Variants in CCDC60 observed in about 807,000 individuals in gnomAD.
CCDC60 encodes the protein coiled-coil domain containing 60, also known as coiled-coil domain-containing protein 60.
Under a neutral mutation model 63.5 loss-of-function variants are expected in CCDC60, and 54 were observed. The ratio of observed to expected loss-of-function variants is 0.85; its 90% CI spans 0.68 to 1.07. CCDC60 has a LOEUF of 1.07. Among genes scored for constraint, CCDC60 ranks in the 50% least tolerant of loss-of-function variants. The pLI is 0.00. For missense variants in CCDC60, 651 were observed against 684.3 expected (o/e 0.95, Z 0.54); for synonymous variants, 206 against 238.8 (o/e 0.86, Z 1.27).
At chr12:119,354,686 C>T (rs1343581151) in intron 1 of CCDC60, among the ~76,000 whole-genome samples, 1 of 152,200 alleles carries the variant, frequency 6.6e-6, no homozygotes, top group East Asian at 1.9e-4. Flanking sequence ...AGTTACTGCT[C>T]ATTAATGTAG....
At chr12:119,383,887 G>T (rs1956033571) in intron 1 of CCDC60, among the ~76,000 whole-genome samples, 1 of 152,116 alleles carries the variant, frequency 6.6e-6, no homozygotes, top group South Asian at 2.1e-4. Flanking sequence ...TAATATCTCT[G>T]CCTAGCCACT....
chr12:119,433,380 C>G (rs565074208), intron 2 of CCDC60: 2 of 701,936 alleles, frequency 2.8e-6, no homozygotes, highest in East Asian at 2.7e-5. Flanking sequence ...GCTCGGACAC[C>G]CTTAGCCTCT....
chr12:119,373,624 A>G (rs1222889343), intron 1 of CCDC60, among the ~76,000 whole-genome samples: 1 of 124,070 alleles, frequency 8.1e-6, no homozygotes, highest in African/African-American at 3.1e-5. Context: ...GCCACCAAAA[A>G]TCTGTGCAAA....
chr12:119,423,343 T>C (rs1269232418), intron 1 of CCDC60, among the ~76,000 whole-genome samples: 1 of 152,222 alleles, frequency 6.6e-6, no homozygotes, highest in Non-Finnish European at 1.5e-5. Context: ...AGTCCCAAAG[T>C]GGCCTGGGGC....
At chr12:119,344,861 A>T (rs61939532) in intron 1 of CCDC60, among the ~76,000 whole-genome samples, 10,959 of 81,498 alleles carry the variant, frequency 0.13, 339 homozygotes, top group South Asian at 0.23. Flanking sequence ...TCTCTCACAC[A>T]CACACACACA....
chr12:119,470,672 T>C (rs1444292408), intron 2 of CCDC60, among the ~76,000 whole-genome samples: 2 of 152,020 alleles, frequency 1.3e-5, no homozygotes, highest in Non-Finnish European at 2.9e-5. Context: ...AAGAGAGACA[T>C]GAGAGGAGAG....
chr12:119,522,887 T>C, intron 9 of CCDC60, 52 bp from the exon 10 acceptor site: 1 of 1,579,570 alleles, frequency 6.3e-7, no homozygotes, highest in Non-Finnish European at 8.7e-7. Context: ...GGGGCACCCT[T>C]TTCTTGAAAA....
At chr12:119,426,498 G>A (rs781257298) in intron 1 of CCDC60, among the ~76,000 whole-genome samples, 28 of 152,054 alleles carry the variant, frequency 1.8e-4, no homozygotes, top group Non-Finnish European at 3.5e-4. Context: ...TGGGATTACA[G>A]GCATGCACCA....
chr12:119,459,828 G>A (rs1326547109), intron 2 of CCDC60, among the ~76,000 whole-genome samples: 1 of 152,152 alleles, frequency 6.6e-6, no homozygotes, highest in Non-Finnish European at 1.5e-5. Flanking sequence ...TGCCCACCAA[G>A]CTATCATTAA....
chr12:119,374,941 T>C (rs536811603), intron 1 of CCDC60, among the ~76,000 whole-genome samples: 11 of 152,320 alleles, frequency 7.2e-5, no homozygotes, highest in Admixed American at 4.6e-4. Context: ...GAGGTTACTG[T>C]CATTGCCATC....
chr12:119,528,559 T>C, intron 11 of CCDC60, 56 bp from the exon 12 acceptor site: 4 of 1,564,994 alleles, frequency 2.6e-6, no homozygotes, highest in African/African-American at 1.4e-5. Flanking sequence ...GCAGCTAAGA[T>C]GGTTACAGGA....
At chr12:119,438,524 G>C (rs752556913) in intron 2 of CCDC60, among the ~76,000 whole-genome samples, 3 of 152,148 alleles carry the variant, frequency 2.0e-5, no homozygotes, top group Non-Finnish European at 4.4e-5. Flanking sequence ...TAGCTGGGTG[G>C]CTGTACACAA....
At chr12:119,402,738 C>T (rs1381630506) in intron 1 of CCDC60, among the ~76,000 whole-genome samples, 1 of 152,136 alleles carries the variant, frequency 6.6e-6, no homozygotes, top group Non-Finnish European at 1.5e-5. Context: ...TCTCTCAACG[C>T]TGATGATCTC....
intron 1 of CCDC60, among the ~76,000 whole-genome samples, chr12:119,423,715 T>A (rs1008058567): frequency 2.6e-5 from 4 of 152,228 alleles, no homozygotes; most frequent in African/African-American, 9.6e-5. Flanking sequence ...TGCTAATCTC[T>A]AGCTTGCCTC....
intron 1 of CCDC60, among the ~76,000 whole-genome samples, chr12:119,422,893 G>T (rs754394025): frequency 6.6e-6 from 1 of 152,162 alleles, no homozygotes; most frequent in East Asian, 1.9e-4. Flanking sequence ...TCAATGGCAA[G>T]TGAATTTCAA....
chr12:119,448,036 T>A (rs1950571960), intron 2 of CCDC60: 2 of 152,190 alleles, frequency 1.3e-5, no homozygotes, highest in Non-Finnish European at 2.9e-5. Context: ...AATGGGGACA[T>A]GTTTGTCAAG....
At chr12:119,489,008 T>C (rs1005929826) in intron 5 of CCDC60, 142 bp downstream of exon 5, 10 of 694,248 alleles carry the variant, frequency 1.4e-5, no homozygotes, top group Admixed American at 1.4e-4. Context: ...CTGTGGGATC[T>C]GAACAGGGGA....
intron 1 of CCDC60, among the ~76,000 whole-genome samples, chr12:119,336,884 C>T (rs927842660): frequency 2.0e-5 from 3 of 152,176 alleles, no homozygotes; most frequent in Admixed American, 2.0e-4. Context: ...CATAACTGGA[C>T]GAGCACAACT....
intron 13 of CCDC60, among the ~76,000 whole-genome samples, chr12:119,533,416 A>G (rs1952915054): frequency 6.6e-6 from 1 of 152,046 alleles, no homozygotes; most frequent in African/African-American, 2.4e-5. Flanking sequence ...GAAGCTCTTT[A>G]GTTTAATCAG....
Sources: gnomAD v4.1 joint callset for allele counts (sites outside exome capture counted in the v4.1 genomes callset) on GRCh38, gnomAD v4.1.1 for gene constraint, MANE v1.5 for transcripts, NCBI Gene and HGNC (gene_info 2026-07-23, HGNC 2026-07-21) for gene names.